Variants in PRKG1 observed in about 807,000 individuals in gnomAD.
The protein encoded by PRKG1 is cGMP-dependent protein kinase 1.
In PRKG1, 35 loss-of-function variants were observed where a neutral mutation model predicts 88.1. The ratio of observed to expected loss-of-function variants is 0.40; its 90% CI spans 0.30 to 0.53. The LOEUF is 0.53. Ranked by LOEUF, PRKG1 falls within the 20% of genes least tolerant of loss-of-function variation. The probability of loss-of-function intolerance (pLI) is 0.59; values close to 1 mark genes in which losing one functional copy is unlikely to be tolerated. For synonymous variants in PRKG1, 303 were observed against 292.5 expected (o/e 1.04, Z -0.37); for missense variants, 540 against 839.8 (o/e 0.64, Z 4.41).
intron 2 of PRKG1, among the ~76,000 whole-genome samples, chr10:51,333,495 G>C (rs1177513400): frequency 6.6e-6 from 1 of 152,228 alleles, no homozygotes; most frequent in Middle Eastern, 3.4e-3. Context: ...ATTCAAACTC[G>C]CATAATTTCT....
intron 3 of PRKG1, chr10:51,697,818 C>A: frequency 6.2e-7 from 1 of 1,614,178 alleles, no homozygotes; most frequent in Non-Finnish European, 8.5e-7. Flanking sequence ...ATGATCAAAG[C>A]TGCCTTCTCC....
intron 1 of PRKG1, among the ~76,000 whole-genome samples, chr10:50,993,838 T>G (rs1361697239): frequency 6.6e-6 from 1 of 152,170 alleles, no homozygotes; most frequent in African/African-American, 2.4e-5. Context: ...TTGTTGTTGT[T>G]GTTTGTATGT....
intron 2 of PRKG1, chr10:51,299,495 C>G: frequency 2.2e-6 from 1 of 459,808 alleles, no homozygotes; most frequent in South Asian, 1.6e-5. Context: ...TGTGAGCCAC[C>G]ATGCCCCGCC....
chr10:51,098,219 T>G (rs1485029770), intron 1 of PRKG1, among the ~76,000 whole-genome samples: 2 of 152,196 alleles, frequency 1.3e-5, no homozygotes, highest in Non-Finnish European at 2.9e-5. Context: ...GCTTTACCAC[T>G]TTCTAGTTGT....
chr10:51,220,821 A>T (rs892926972), intron 2 of PRKG1, among the ~76,000 whole-genome samples: 2 of 152,166 alleles, frequency 1.3e-5, no homozygotes, highest in African/African-American at 4.8e-5. Flanking sequence ...TATATAAGCA[A>T]TTTCAATTTG....
chr10:51,699,325 C>A, intron 3 of PRKG1: 1 of 1,614,168 alleles, frequency 6.2e-7, no homozygotes, highest in South Asian at 1.1e-5. Context: ...CATTGAGGTT[C>A]CGCATGGCAC....
At chr10:52,194,610 C>G (rs1471768811) in intron 9 of PRKG1, among the ~76,000 whole-genome samples, 3 of 152,128 alleles carry the variant, frequency 2.0e-5, no homozygotes, top group Non-Finnish European at 4.4e-5. Context: ...GCCTTTGTCT[C>G]TGGTTTTAAC....
chr10:51,292,433 A>G (rs1246669635), intron 2 of PRKG1, among the ~76,000 whole-genome samples: 1 of 152,200 alleles, frequency 6.6e-6, no homozygotes, highest in Non-Finnish European at 1.5e-5. Flanking sequence ...GAACAAAGAA[A>G]GGACGTATTT....
intron 8 of PRKG1, among the ~76,000 whole-genome samples, chr10:52,140,981 A>T (rs1837565560): frequency 6.6e-6 from 1 of 152,162 alleles, no homozygotes; most frequent in Admixed American, 6.6e-5. Context: ...AGCCTTTCCT[A>T]CAGCCTAAGT....
chr10:51,524,107 A>G (rs1234917357), intron 3 of PRKG1, among the ~76,000 whole-genome samples: 1 of 152,166 alleles, frequency 6.6e-6, no homozygotes. Context: ...CTCCTGCTAT[A>G]GAAGACTCCT....
At chr10:51,394,747 G>A (rs993990045) in intron 2 of PRKG1, among the ~76,000 whole-genome samples, 2 of 152,142 alleles carry the variant, frequency 1.3e-5, no homozygotes, top group African/African-American at 4.8e-5. Flanking sequence ...GTGTGAGGTA[G>A]GTGAAAAACT....
intron 1 of PRKG1, among the ~76,000 whole-genome samples, chr10:51,150,463 G>A (rs191740681): frequency 2.4e-4 from 36 of 152,250 alleles, no homozygotes; most frequent in Non-Finnish European, 3.5e-4. Flanking sequence ...TACATGAAAA[G>A]GCAGGGCTTT....
At chr10:51,683,430 TC>T (rs1279924430) in intron 3 of PRKG1, among the ~76,000 whole-genome samples, 1 of 152,146 alleles carries the variant, frequency 6.6e-6, no homozygotes, top group Non-Finnish European at 1.5e-5. Context: ...TACTAAGCAA[TC>T]AATGGGCTCA....
chr10:51,282,936 G>T (rs1480153171), intron 2 of PRKG1, among the ~76,000 whole-genome samples: 2 of 152,006 alleles, frequency 1.3e-5, no homozygotes, highest in African/African-American at 2.4e-5. Flanking sequence ...TTGAGGTTTG[G>T]GCTGACTAAA....
chr10:51,330,715 C>T (rs981463982), intron 2 of PRKG1, among the ~76,000 whole-genome samples: 2 of 151,716 alleles, frequency 1.3e-5, no homozygotes, highest in African/African-American at 2.4e-5. Context: ...ATTCTGGTCA[C>T]ATTGATTTCT....
At chr10:52,271,780 T>G (rs1841736380) in intron 11 of PRKG1, among the ~76,000 whole-genome samples, 1 of 152,122 alleles carries the variant, frequency 6.6e-6, no homozygotes, top group African/African-American at 2.4e-5. Context: ...ACATAGACCT[T>G]TGATGCTTAA....
chr10:52,266,553 A>G (rs79370901), intron 10 of PRKG1, among the ~76,000 whole-genome samples: 4,475 of 152,076 alleles, frequency 0.029, 293 homozygotes, highest in East Asian at 0.23. Flanking sequence ...ACATGATCTC[A>G]TTCCTTTTTA....
At chr10:52,171,232 G>C (rs1286122794) in intron 9 of PRKG1, among the ~76,000 whole-genome samples, 1 of 148,490 alleles carries the variant, frequency 6.7e-6, no homozygotes, top group Non-Finnish European at 1.5e-5. Context: ...ACTTGGTCTT[G>C]ATCTAAGCAA....
At chr10:51,017,841 C>G (rs993883725) in intron 1 of PRKG1, among the ~76,000 whole-genome samples, 3 of 151,550 alleles carry the variant, frequency 2.0e-5, no homozygotes, top group Non-Finnish European at 2.9e-5. Flanking sequence ...GCTTTGTTGT[C>G]CAAGCTGTAG....
Sources: allele counts gnomAD v4.1 joint callset (sites outside exome capture counted in the v4.1 genomes callset), GRCh38; gene constraint gnomAD v4.1.1; transcripts MANE v1.5; gene names NCBI Gene and HGNC (gene_info 2026-07-23, HGNC 2026-07-21).